The following TBC1D30 variants were observed in gnomAD, a reference collection of about 807,000 sequenced individuals.
The protein encoded by TBC1D30 is TBC1 domain family member 30, also known as TBC1 domain family, member 30.
A neutral mutation model predicts 63.2 loss-of-function variants in TBC1D30; 31 were observed. The ratio of observed to expected loss-of-function variants is 0.49; its 90% CI spans 0.37 to 0.66. The LOEUF is 0.66. Ranked by LOEUF, TBC1D30 falls within the 30% of genes least tolerant of loss-of-function variation. TBC1D30 has a pLI of 0.00. For missense variants in TBC1D30, 810 were observed against 953.6 expected (o/e 0.85, Z 1.98); for synonymous variants, 307 against 361.5 (o/e 0.85, Z 1.71).
chr12:64,838,508 C>G (rs1366327762), intron 6 of TBC1D30, among the ~76,000 whole-genome samples, 175 bp from the exon 7 acceptor site: 2 of 152,066 alleles, frequency 1.3e-5, no homozygotes, highest in Non-Finnish European at 2.9e-5. Flanking sequence ...GTTAAGCATA[C>G]CTGTGTTCTT....
chr12:64,773,991 C>T (rs555515975), intron 1 of TBC1D30, among the ~76,000 whole-genome samples: 3 of 152,130 alleles, frequency 2.0e-5, no homozygotes, highest in African/African-American at 7.2e-5. Context: ...TAGGAACAAA[C>T]TTCACTGAAT....
In TBC1D30 at chr12:64,866,779, C is replaced by T; in HGVS notation, c.1167C>T (p.Ala389=). 1 of 1,536,324 alleles carries T rather than the reference C, an allele frequency of 6.5e-7. No individual in the cohort carries two copies. Among genetic ancestry groups the T allele is most frequent in the Middle Eastern group, 1.7e-4 (1 of 5,996 alleles). The change falls in exon 10 of 12, where the codon GCC becomes GCT. Residue 389 remains alanine, a synonymous_variant. Transcript: ENST00000539867. ...PTSVSGRHSK[A]RDSDEENDPD... is the part of the protein sequence containing the mutation. ...GTTTTCCAAGACGACATAGTAAGGCCAGAGACAGTGATGAAGAGAATGACC... is the reference window on the plus strand; with the variant it reads ...GTTTTCCAAGACGACATAGTAAGGCTAGAGACAGTGATGAAGAGAATGACC...
intron 2 of TBC1D30, among the ~76,000 whole-genome samples, chr12:64,809,661 A>G (rs935774538): frequency 1.3e-5 from 2 of 152,212 alleles, no homozygotes; most frequent in South Asian, 2.1e-4. Flanking sequence ...TTCTCGAACT[A>G]TCCGCCTTCT....
At chr12:64,814,822 A>G (rs965262379) in intron 2 of TBC1D30, among the ~76,000 whole-genome samples, 1 of 152,226 alleles carries the variant, frequency 6.6e-6, no homozygotes, top group South Asian at 2.1e-4. Flanking sequence ...CTACTACCAA[A>G]ACTTGAGATT....
intron 2 of TBC1D30, among the ~76,000 whole-genome samples, chr12:64,828,231 G>A (rs1343801445): frequency 6.6e-6 from 1 of 152,164 alleles, no homozygotes; most frequent in Non-Finnish European, 1.5e-5. Flanking sequence ...ACTGCAAAGG[G>A]GTCACAGATG....
At position 64,877,233 on chromosome 12, in the gene TBC1D30, C is replaced by T. The variant is rs1331680232; in HGVS notation, c.*1445C>T. ...AGAAGGCTCACTCCTCAATCCCCTT[C>T]TCCTCGCCATCATTAGAGGAATAGA... On this transcript the variant is annotated 3_prime_UTR_variant, in exon 12 of 12. Coordinates refer to ENST00000539867, the MANE Select transcript of TBC1D30 (RefSeq NM_015279.2). The T allele has an allele frequency of 5.5e-6, 1 of 182,382 alleles. No individual in the cohort carries two copies. Among genetic ancestry groups the T allele is most frequent in the Non-Finnish European group, 1.2e-5 (1 of 86,374 alleles). The allele number at this position is 182,382 out of a possible 1,614,324, so 11.3% of individuals were successfully genotyped here. A position where few individuals can be genotyped will look rare whatever the true frequency, so the allele number is the denominator to read the frequency against.
At chr12:64,792,996 C>T (rs1872020637) in intron 2 of TBC1D30, among the ~76,000 whole-genome samples, 1 of 152,014 alleles carries the variant, frequency 6.6e-6, no homozygotes, top group Non-Finnish European at 1.5e-5. Context: ...TGTGCTTTGG[C>T]CTACTTCTAG....
At chr12:64,808,708 A>G (rs1335239665) in intron 2 of TBC1D30, among the ~76,000 whole-genome samples, 1 of 151,800 alleles carries the variant, frequency 6.6e-6, no homozygotes, top group Non-Finnish European at 1.5e-5. Context: ...CAAAATTGAA[A>G]CTCTGTGCCT....
chr12:64,765,490 CAAAA>C (rs60489979), intron 1 of TBC1D30, among the ~76,000 whole-genome samples: 14 of 17,594 alleles, frequency 8.0e-4, no homozygotes, highest in African/African-American at 1.4e-3. Context: ...AGACTGTCTC[CAAAA>C]AAAAAAAAAA....
intron 10 of TBC1D30, among the ~76,000 whole-genome samples, chr12:64,867,220 C>T (rs1275340284): frequency 6.6e-6 from 1 of 152,038 alleles, no homozygotes; most frequent in Admixed American, 6.6e-5. Flanking sequence ...AATCCCAGCA[C>T]TTTGGGAGGC....
intron 2 of TBC1D30, among the ~76,000 whole-genome samples, chr12:64,794,751 C>G (rs988336898): frequency 6.6e-6 from 1 of 152,128 alleles, no homozygotes; most frequent in African/African-American, 2.4e-5. Flanking sequence ...AACGTTTTCT[C>G]TCTTTCTCGC....
intron 8 of TBC1D30, among the ~76,000 whole-genome samples, chr12:64,844,990 T>C (rs540078605): frequency 3.3e-4 from 51 of 152,298 alleles, no homozygotes; most frequent in African/African-American, 1.2e-3. Flanking sequence ...ATTGTATATA[T>C]ACCACATTTT....
chr12:64,838,597 G>C (rs1014117184), intron 6 of TBC1D30, 86 bp from the exon 7 acceptor site: 1 of 1,281,556 alleles, frequency 7.8e-7, no homozygotes, highest in African/African-American at 1.5e-5. Flanking sequence ...ACAAATTTGA[G>C]TGGACATGGA....
chr12:64,862,366 G>A (rs1877861544), intron 8 of TBC1D30, among the ~76,000 whole-genome samples: 1 of 152,216 alleles, frequency 6.6e-6, no homozygotes, highest in Non-Finnish European at 1.5e-5. Context: ...ATACTGATTT[G>A]TTCTTTGAAG....
chr12:64,864,831 T>A, intron 9 of TBC1D30, 51 bp downstream of exon 9: 1 of 1,228,534 alleles, frequency 8.1e-7, no homozygotes, highest in Non-Finnish European at 1.1e-6. Context: ...CTTAATATCT[T>A]AATTTGTTAT....
In TBC1D30 at chr12:64,875,322, C is replaced by G; in HGVS notation, c.1820C>G (p.Ala607Gly). ...EASKTNGLGA[A>G]EAFPSGCTAT... ...AGCAAGACCAATGGGCTGGGGGCAG[C>G]AGAGGCATTCCCCTCTGGTTGTACA... Residue 607 changes from alanine (A) to glycine (G), a missense_variant, in exon 12 of 12, where the codon GCA (alanine) becomes GGA (glycine). Around this residue, in one of 4 missense-constraint regions of TBC1D30, gnomAD observed 450 missense variants for 473.0 expected, o/e 0.95. Coordinates refer to ENST00000539867, the MANE Select transcript of TBC1D30 (RefSeq NM_015279.2). 6.5e-7 allele frequency: 1 copy of G among 1,536,288 alleles called. No individual in the cohort carries two copies. The highest frequency in any genetic ancestry group is 8.7e-7 in the Non-Finnish European group (1 of 1,146,918).
At chr12:64,823,128 T>C (rs1215059568), upstream of TBC1D30, among the ~76,000 whole-genome samples, 1 of 152,210 alleles carries the variant, frequency 6.6e-6, no homozygotes, top group Non-Finnish European at 1.5e-5. Flanking sequence ...ACTTTGGTTA[T>C]ACACATATTT....
At chr12:64,859,666 A>G (rs967405367) in intron 8 of TBC1D30, among the ~76,000 whole-genome samples, 2 of 152,218 alleles carry the variant, frequency 1.3e-5, no homozygotes, top group African/African-American at 4.8e-5. Flanking sequence ...CTCCTGGCTT[A>G]GAAGGAAGAG....
chr12:64,805,663 T>A (rs1230163356), intron 2 of TBC1D30, among the ~76,000 whole-genome samples: 1 of 152,022 alleles, frequency 6.6e-6, no homozygotes, highest in African/African-American at 2.4e-5. Context: ...TGAAACCCTG[T>A]CTCTACTAAA....
Sources: allele counts gnomAD v4.1 joint callset (sites outside exome capture counted in the v4.1 genomes callset), GRCh38; gene constraint gnomAD v4.1.1; regional missense constraint gnomAD v4.1.1; transcripts MANE v1.5; gene names NCBI Gene and HGNC (gene_info 2026-07-23, HGNC 2026-07-21).